Variants in GPR137 observed in about 807,000 individuals in gnomAD.
GPR137 encodes the protein integral membrane protein GPR137.
Under a neutral mutation model 38.9 loss-of-function variants are expected in GPR137, and 20 were observed. The observed-to-expected ratio is 0.51, with a 90% CI of 0.36 to 0.75. GPR137 has a LOEUF of 0.75. Ranked by LOEUF, GPR137 falls within the 30% of genes least tolerant of loss-of-function variation. The pLI, the probability that GPR137 is intolerant of heterozygous loss-of-function variation, is 0.00. For missense variants in GPR137, 456 were observed against 526.4 expected, an observed-to-expected ratio of 0.87 and a Z score of 1.31; for synonymous variants, 226 against 235.8, an observed-to-expected ratio of 0.96 and a Z score of 0.38.
rs1298622931 is a variant in GPR137 at position 64,288,248 on chromosome 11, G to C, written c.783+34G>C. On this transcript the variant is annotated intron_variant, in intron 4 of 6. Coordinates refer to ENST00000438980, the MANE Select transcript of GPR137 (RefSeq NM_001170880.2). This position sits in a 1 kb window ranked among gnomAD's most constrained non-coding sequence, Gnocchi z 5.5. ...ACGCATGTCTGCCACCTCCTTAGTA[G>C]CCGTGGCACCTTGGCCCCAGCTGGC... 3 of 1,610,192 alleles carry C rather than the reference G, an allele frequency of 1.9e-6. No homozygotes were observed. Among genetic ancestry groups the C allele is most frequent in the Non-Finnish European group, 2.5e-6 (3 of 1,177,882 alleles).
At chr11:64,276,927 G>A (rs1348756933) in intron 2 of GPR137, 1 of 761,876 alleles carries the variant, frequency 1.3e-6, no homozygotes, top group Admixed American at 1.8e-5. Context: ...TTCTCTGCGT[G>A]TTGGGCTTCT....
upstream of GPR137, chr11:64,270,719 C>T (rs1280050348): frequency 2.0e-6 from 1 of 489,744 alleles, no homozygotes; most frequent in African/African-American, 1.9e-5. Flanking sequence ...CCTTTGAGGC[C>T]AGGAGTTCCA....
At chr11:64,273,256 C>T (rs1273498406), upstream of GPR137, among the ~76,000 whole-genome samples, 2 of 152,124 alleles carry the variant, frequency 1.3e-5, no homozygotes, top group Non-Finnish European at 2.9e-5. Flanking sequence ...GCCTGTAGTC[C>T]CAGCCACTCA....
upstream of GPR137, among the ~76,000 whole-genome samples, chr11:64,273,855 C>CAAA (rs34577596): frequency 0.07 from 3,775 of 54,226 alleles, 685 homozygotes; most frequent in East Asian, 0.43. Flanking sequence ...GCACCCATCT[C>CAAA]AAAAAAAAAA....
upstream of GPR137, chr11:64,271,753 T>C: frequency 6.9e-7 from 1 of 1,444,024 alleles, no homozygotes; most frequent in Non-Finnish European, 9.1e-7. Flanking sequence ...TCGTCCTCCG[T>C]CCCCGCGGGG....
At chr11:64,272,173 G>C (rs1426938507), upstream of GPR137, among the ~76,000 whole-genome samples, 1 of 152,124 alleles carries the variant, frequency 6.6e-6, no homozygotes, top group Admixed American at 6.5e-5. Context: ...ACAAAAATTA[G>C]CTGGGCATAG....
chr11:64,285,836 G>T (rs1364429958), upstream of GPR137: 5 of 985,100 alleles, frequency 5.1e-6, no homozygotes, highest in Non-Finnish European at 6.0e-6. Context: ...AGGCGCGGAG[G>T]GGGAGGGGGG....
chr11:64,279,877 TG>T (rs2033324096), upstream of GPR137, among the ~76,000 whole-genome samples: 1 of 151,356 alleles, frequency 6.6e-6, no homozygotes, highest in Non-Finnish European at 1.5e-5. Context: ...TCCTACCGGG[TG>T]CTCAAGCCAG....
rs778485230 is a variant in GPR137, at chr11:64,286,711, C to T, written c.187C>T (p.Leu63=). 3.1e-6 allele frequency: 5 copies of T among 1,613,724 alleles called. No homozygotes were observed. The African/African-American group carries it at 4.0e-5, about 13-fold the overall frequency. The part of the protein sequence containing the change: ...HKRLSYQTVF[L]ALCLLWAALR... ...GCGTCTCAGCTATCAGACGGTGTTC[C>T]TGGCCCTCTGTCTGCTCTGGGCCGC... is the stretch of plus-strand genomic sequence containing the variant. The change falls in exon 1 of 7, where the codon CTG becomes TTG. Residue 63 remains leucine, a synonymous_variant. Transcript: ENST00000438980.
At chr11:64,276,942 C>T (rs1208420607) in intron 2 of GPR137, 9 of 759,040 alleles carry the variant, frequency 1.2e-5, no homozygotes, top group Non-Finnish European at 2.2e-5. Flanking sequence ...GCTTCTGAGT[C>T]AGCGGCTGGG....
intron 2 of GPR137, chr11:64,287,478 T>C: frequency 1.7e-6 from 1 of 585,368 alleles, no homozygotes; most frequent in Non-Finnish European, 2.2e-6. Context: ...AGGATCAAGG[T>C]CGCAGAGCTG....
At chr11:64,287,089 A>C in intron 2 of GPR137, 75 bp downstream of exon 2, 1 of 1,556,206 alleles carries the variant, frequency 6.4e-7, no homozygotes, top group South Asian at 1.2e-5. Context: ...ATCCCTTCCC[A>C]CCTCTCAGGG....
chr11:64,276,991 A>G (rs1366406115), intron 2 of GPR137: 5 of 726,238 alleles, frequency 6.9e-6, no homozygotes, highest in South Asian at 2.9e-5. Flanking sequence ...GCATCCCTGC[A>G]CTGGGATTTT....
At position 64,287,925 on chromosome 11, in the gene GPR137, T is replaced by C. The variant is rs757017325; in HGVS notation, c.612T>C (p.Thr204=). 1 of 1,601,712 alleles carries C rather than the reference T, an allele frequency of 6.2e-7. No individual in the cohort carries two copies. The highest frequency in any genetic ancestry group is 8.5e-7 in the Non-Finnish European group (1 of 1,179,888). ...TCGTCGCCAGGCGGGCGCCCTCCAC[T>C]AGCATCTACCTGGAGGCCAAGGTAG... ...LCLVARRAPS[T]SIYLEAKGTS... The change falls in exon 3 of 7, where the codon ACT becomes ACC. Residue 204 remains threonine, a synonymous_variant. Coordinates refer to ENST00000438980, the MANE Select transcript of GPR137 (RefSeq NM_001170880.2).
chr11:64,283,133 C>T (rs772670525), upstream of GPR137, among the ~76,000 whole-genome samples: 10 of 152,222 alleles, frequency 6.6e-5, no homozygotes, highest in Non-Finnish European at 8.8e-5. Context: ...GGTGTTTATC[C>T]GTAAGAGAGC....
At chr11:64,270,846 A>G (rs1462357611), upstream of GPR137, among the ~76,000 whole-genome samples, 3 of 152,008 alleles carry the variant, frequency 2.0e-5, no homozygotes, top group African/African-American at 7.3e-5. Flanking sequence ...CGGGGAACCC[A>G]GGAGCTTTGG....
chr11:64,276,443 C>T (rs1264722965), intron 2 of GPR137: 2 of 153,770 alleles, frequency 1.3e-5, no homozygotes, highest in African/African-American at 4.8e-5. Context: ...TCTCCTGCCT[C>T]AGCCTCCTGG....
At chr11:64,279,684 A>G (rs1189409324), upstream of GPR137, among the ~76,000 whole-genome samples, 1 of 149,852 alleles carries the variant, frequency 6.7e-6, no homozygotes, top group African/African-American at 2.4e-5. Flanking sequence ...AATGGCATGA[A>G]CCCAGGAGGT....
chr11:64,288,656 T>C lies in GPR137; in HGVS notation c.966T>C (p.Phe322=). Residue 322 remains phenylalanine, a synonymous_variant, in exon 6 of 7, where the codon TTT becomes TTC. Transcript: ENST00000438980. This position sits in a 1 kb window ranked among gnomAD's most constrained non-coding sequence, Gnocchi z 5.5. ...TCTTTGCCTCTCGGTCCTACTTCTT[T>C]GACCGGGCTGGGCACTGTGAAGATG... ...GQVFASRSYF[F]DRAGHCEDEG... is the part of the protein sequence containing the mutation. 10 of 1,604,904 alleles carry C rather than the reference T, an allele frequency of 6.2e-6. No homozygotes were observed. Among genetic ancestry groups the C allele is most frequent in the Non-Finnish European group, 8.5e-6 (10 of 1,174,946 alleles).
Sources: allele counts gnomAD v4.1 joint callset (sites outside exome capture counted in the v4.1 genomes callset), GRCh38; gene constraint gnomAD v4.1.1; non-coding constraint Gnocchi (gnomAD v3.1); transcripts MANE v1.5; gene names NCBI Gene and HGNC (gene_info 2026-07-23, HGNC 2026-07-21).